The following ZNF496 variants were observed in gnomAD, a reference collection of about 807,000 sequenced individuals.
ZNF496 encodes NSD1 (nuclear receptor binding SET-domain containing 1)-interacting zinc finger protein 1.
ZNF496 carries 11 observed loss-of-function variants against 58.9 expected under a neutral mutation model. That is an observed-to-expected ratio of 0.19 (90% CI 0.12 to 0.31). The LOEUF is 0.31. ZNF496 is among the 10% of genes least tolerant of loss of function. ZNF496 has a pLI of 1.00. For synonymous variants in ZNF496, 338 were observed against 318.2 expected, an observed-to-expected ratio of 1.06 and a Z score of -0.66; for missense variants, 660 against 783.0, an observed-to-expected ratio of 0.84 and a Z score of 1.88.
rs1659154752 is a variant in ZNF496 at position 247,298,869 on chromosome 1, C to G, written c.*1650G>C. On this transcript the variant is annotated 3_prime_UTR_variant, in exon 10 of 10. Transcript: ENST00000682384. The stretch of plus-strand genomic sequence containing the variant: ...TTCACTACCTGCTGTCACTCTCAGT[C>G]CGGAATCCCAGCAGGAGACACAGCT... 1 of 152,224 alleles carries G rather than the reference C, an allele frequency of 6.6e-6. No homozygotes were observed. The highest frequency in any genetic ancestry group is 2.4e-5 in the African/African-American group (1 of 41,452). The allele number at this position is 152,224 out of a possible 1,614,324, so 9.4% of individuals were successfully genotyped here.
intron 4 of ZNF496, 66 bp from the exon 5 acceptor site, chr1:247,328,932 A>C (rs1572097158): frequency 1.3e-5 from 20 of 1,521,328 alleles, no homozygotes. Context: ...GGGCCTGGTG[A>C]CCATCCACTC....
chr1:247,305,478 A>G (rs1659379077), intron 9 of ZNF496, among the ~76,000 whole-genome samples: 4 of 152,162 alleles, frequency 2.6e-5, no homozygotes, highest in Admixed American at 2.6e-4. Flanking sequence ...CATAGCTAGC[A>G]GGCAGCCAGG....
intron 6 of ZNF496, among the ~76,000 whole-genome samples, chr1:247,318,304 G>C (rs964405793): frequency 1.3e-5 from 2 of 152,154 alleles, no homozygotes; most frequent in African/African-American, 2.4e-5. Context: ...GAAAGAGAGA[G>C]GGACTAAAAA....
At position 247,309,984 on chromosome 1, in the gene ZNF496, G is replaced by T; in HGVS notation, c.785-178C>A. The T allele has an allele frequency of 7.4e-7, 1 of 1,350,034 alleles. No homozygotes were observed. Among genetic ancestry groups the T allele is most frequent in the Non-Finnish European group, 9.8e-7 (1 of 1,020,216 alleles). 83.6% of individuals were successfully genotyped at this position (1,350,034 alleles called of 1,614,324 possible). A position where few individuals can be genotyped will look rare whatever the true frequency, so the allele number is the denominator to read the frequency against. Reference sequence around the variant, plus strand: ...GCAGTGGGGGCAGCACACGCAGGGAGAGCTATGGGCTTGGGGGTCTCTCTG... The same window carrying T: ...GCAGTGGGGGCAGCACACGCAGGGATAGCTATGGGCTTGGGGGTCTCTCTG... On this transcript the variant is annotated intron_variant, in intron 7 of 9. Coordinates refer to ENST00000682384, the MANE Select transcript of ZNF496 (RefSeq NM_032752.3). The surrounding 1 kb of genome is among the most constrained non-coding windows in gnomAD (Gnocchi z 4.3).
chr1:247,310,303 T>TG (rs781086990), intron 7 of ZNF496, 21 bp downstream of exon 7: 10 of 1,613,848 alleles, frequency 6.2e-6, no homozygotes, highest in Admixed American at 5.0e-5. Context: ...TCTTGAGGTG[T>TG]GGGGGGAAGT....
intron 5 of ZNF496, among the ~76,000 whole-genome samples, chr1:247,326,084 A>C (rs1366330857): frequency 4.1e-5 from 6 of 147,314 alleles, no homozygotes; most frequent in Admixed American, 6.8e-5. Context: ...ACACACACAC[A>C]TATATACACA....
intron 5 of ZNF496, among the ~76,000 whole-genome samples, chr1:247,326,145 C>T (rs6679496): frequency 1.8e-4 from 27 of 146,526 alleles, no homozygotes; most frequent in East Asian, 4.0e-4. Flanking sequence ...TATATACACA[C>T]ATATATATAT....
At chr1:247,328,994 G>C in intron 4 of ZNF496, 128 bp from the exon 5 acceptor site, 1 of 1,391,180 alleles carries the variant, frequency 7.2e-7, no homozygotes. Context: ...GCTGTAAAGG[G>C]GCACGACACT....
In ZNF496 at chr1:247,297,555, A is replaced by C. The variant is rs1329496556; in HGVS notation, c.*2964T>G. On this transcript the variant is annotated 3_prime_UTR_variant, in exon 10 of 10. Transcript: ENST00000682384. ...GACACAAAGCTCCAGCCAGCTGCCC[A>C]GCCCCTGGGGTGGGAGGGAAGGATC... is the stretch of plus-strand genomic sequence containing the variant. 2 of 152,298 alleles carry C rather than the reference A, an allele frequency of 1.3e-5. No individual in the cohort carries two copies. Among genetic ancestry groups the C allele is most frequent in the Non-Finnish European group, 2.9e-5 (2 of 68,120 alleles). 9.4% of individuals were successfully genotyped at this position (152,298 alleles called of 1,614,324 possible). A position where few individuals can be genotyped will look rare whatever the true frequency, so the allele number is the denominator to read the frequency against.
In ZNF496 at chr1:247,309,644, C is replaced by A. The variant is rs1011920575; in HGVS notation, c.892+55G>T. The A allele has an allele frequency of 1.9e-6, 3 of 1,603,350 alleles. No homozygotes were observed. Among genetic ancestry groups the A allele is most frequent in the African/African-American group, 2.7e-5 (2 of 74,756 alleles). On this transcript the variant is annotated intron_variant, in intron 8 of 9. Transcript: ENST00000682384. The surrounding 1 kb of genome is among the most constrained non-coding windows in gnomAD (Gnocchi z 4.3). ...AGCCAGAGAGTGGGCTCACCTCCGG[C>A]TGCCAGCAACCCTTCCCCCTACTCT...
At position 247,300,408 on chromosome 1, in the gene ZNF496, G is replaced by A. The variant is rs1334744697; in HGVS notation, c.*111C>T. On this transcript the variant is annotated 3_prime_UTR_variant, in exon 10 of 10. Coordinates refer to ENST00000682384, the MANE Select transcript of ZNF496 (RefSeq NM_032752.3). The surrounding 1 kb of genome is among the most constrained non-coding windows in gnomAD (Gnocchi z 5.7). ...TCACTACCTGAGAGCAAGGACAGGA[G>A]GGAGGTGTGCTCTCTATCCTGGGGA... The A allele has an allele frequency of 2.5e-6, 3 of 1,197,514 alleles. No individual in the cohort carries two copies. Among genetic ancestry groups the A allele is most frequent in the South Asian group, 1.7e-5 (1 of 60,342 alleles). The allele number at this position is 1,197,514 out of a possible 1,614,324, so 74.2% of individuals were successfully genotyped here.
intron 9 of ZNF496, chr1:247,307,460 T>C (rs1572074575): frequency 3.0e-6 from 3 of 985,414 alleles, no homozygotes; most frequent in Non-Finnish European, 3.6e-6. Context: ...AGAAAGAAGC[T>C]AGAGAAGATT....
Position 247,297,906 on chromosome 1 carries a change from T to C in ZNF496, c.*2613A>G, listed in dbSNP as rs1659131159. 6.6e-6 allele frequency: 1 copy of C among 152,228 alleles called. No individual in the cohort carries two copies. Among genetic ancestry groups the C allele is most frequent in the South Asian group, 2.1e-4 (1 of 4,838 alleles). The allele number at this position is 152,228 out of a possible 1,614,324, so 9.4% of individuals were successfully genotyped here. ...CAGCCCCTCACATTCCCTTTGTCGC[T>C]TTCTCCTTCATGATGTGGTTTTACA... On this transcript the variant is annotated 3_prime_UTR_variant, in exon 10 of 10. Transcript: ENST00000682384.
In ZNF496 at chr1:247,308,359, G is replaced by T; in HGVS notation, c.1006+116C>A. 1.1e-6 allele frequency: 1 copy of T among 915,054 alleles called. No homozygotes were observed. Among genetic ancestry groups the T allele is most frequent in the Non-Finnish European group, 1.8e-6 (1 of 564,344 alleles). The allele number at this position is 915,054 out of a possible 1,614,324, so 56.7% of individuals were successfully genotyped here. On this transcript the variant is annotated intron_variant, in intron 9 of 9. Transcript: ENST00000682384. This position sits in a 1 kb window ranked among gnomAD's most constrained non-coding sequence, Gnocchi z 4.5. ...CACACCACATATACCACATGTGTAT[G>T]CACGCACACATGCATTCAACACAAC... is the stretch of plus-strand genomic sequence containing the variant.
chr1:247,329,714 G>T lies in ZNF496; in HGVS notation c.-37-99C>A. On this transcript the variant is annotated intron_variant, in intron 3 of 9. Coordinates refer to ENST00000682384, the MANE Select transcript of ZNF496 (RefSeq NM_032752.3). The surrounding 1 kb of genome is among the most constrained non-coding windows in gnomAD (Gnocchi z 5.5). ...AAACTGTCAATGCCCTCAGAGACCA[G>T]CCCTTTGGAGAAGCCCTGGGAAAGG... is the stretch of plus-strand genomic sequence containing the variant. The T allele has an allele frequency of 8.6e-7, 1 of 1,167,338 alleles. No individual in the cohort carries two copies. The highest frequency in any genetic ancestry group is 1.2e-6 in the Non-Finnish European group (1 of 842,110). 72.3% of individuals were successfully genotyped at this position (1,167,338 alleles called of 1,614,324 possible).
In ZNF496 at chr1:247,308,933, C is replaced by T; in HGVS notation, c.893-345G>A. The T allele has an allele frequency of 3.2e-6, 1 of 316,026 alleles. No individual in the cohort carries two copies. Among genetic ancestry groups the T allele is most frequent in the Non-Finnish European group, 6.1e-6 (1 of 163,052 alleles). 19.6% of individuals were successfully genotyped at this position (316,026 alleles called of 1,614,324 possible). ...ATAGTCATCACCACAGGCTCCTGCA[C>T]ACTCCGCACATCCTGCACAAACAGC... On this transcript the variant is annotated intron_variant, in intron 8 of 9. Coordinates refer to ENST00000682384, the MANE Select transcript of ZNF496 (RefSeq NM_032752.3). This position sits in a 1 kb window ranked among gnomAD's most constrained non-coding sequence, Gnocchi z 4.5.
In ZNF496 at chr1:247,300,321, C is replaced by G; in HGVS notation, c.*198G>C. ...TTTGGCACAGCAGAAACAGAACACTCACTTGGCCACTCTTTCATTACCTGG... is the reference window on the plus strand; with the variant it reads ...TTTGGCACAGCAGAAACAGAACACTGACTTGGCCACTCTTTCATTACCTGG... On this transcript the variant is annotated 3_prime_UTR_variant, in exon 10 of 10. Coordinates refer to ENST00000682384, the MANE Select transcript of ZNF496 (RefSeq NM_032752.3). This position sits in a 1 kb window ranked among gnomAD's most constrained non-coding sequence, Gnocchi z 5.7. 1 of 535,642 alleles carries G rather than the reference C, an allele frequency of 1.9e-6. No homozygotes were observed. 33.2% of individuals were successfully genotyped at this position (535,642 alleles called of 1,614,324 possible).
At chr1:247,304,066 A>G in intron 9 of ZNF496, 1 of 441,254 alleles carries the variant, frequency 2.3e-6, no homozygotes. Flanking sequence ...AACTGAAAGG[A>G]AAAGAGATGG....
At position 247,308,638 on chromosome 1, in the gene ZNF496, C is replaced by G. The variant is rs1292625535; in HGVS notation, c.893-50G>C. 1 of 1,538,940 alleles carries G rather than the reference C, an allele frequency of 6.5e-7. No individual in the cohort carries two copies. Among genetic ancestry groups the G allele is most frequent in the East Asian group, 2.3e-5 (1 of 44,408 alleles). On this transcript the variant is annotated intron_variant, in intron 8 of 9. Coordinates refer to ENST00000682384, the MANE Select transcript of ZNF496 (RefSeq NM_032752.3). The surrounding 1 kb of genome is among the most constrained non-coding windows in gnomAD (Gnocchi z 4.5). ...ATTGATTTGTTTTGCACCTACAGCA[C>G]TACCTGGGAGGGTGCTATCCGAATA...
Sources: allele counts gnomAD v4.1 joint callset (sites outside exome capture counted in the v4.1 genomes callset), GRCh38; gene constraint gnomAD v4.1.1; non-coding constraint Gnocchi (gnomAD v3.1); transcripts MANE v1.5; gene names NCBI Gene and HGNC (gene_info 2026-07-23, HGNC 2026-07-21).